The following DCDC1 variants were observed in gnomAD, a reference collection of about 807,000 sequenced individuals.
DCDC1 encodes doublecortin domain containing 1.
Under a neutral mutation model 178.3 loss-of-function variants are expected in DCDC1, and 200 were observed. That is an observed-to-expected ratio of 1.12 (90% CI 1.00 to 1.26). The LOEUF is 1.26. DCDC1 is among the 50% of genes most tolerant of loss of function. DCDC1 has a pLI of 0.00. For synonymous variants in DCDC1, 690 were observed against 604.8 expected, an observed-to-expected ratio of 1.14 and a Z score of -2.07; for missense variants, 1,983 against 1,749.2, an observed-to-expected ratio of 1.13 and a Z score of -2.38.
At chr11:30,888,110 G>GAA (rs775681874) in intron 36 of DCDC1, among the ~76,000 whole-genome samples, 3 of 105,862 alleles carry the variant, frequency 2.8e-5, no homozygotes, top group Admixed American at 1.0e-4. Flanking sequence ...AAGAAAGAAA[G>GAA]AAAGAAAGAA....
chr11:30,970,842 T>C (rs1464307506), intron 20 of DCDC1, among the ~76,000 whole-genome samples: 3 of 152,158 alleles, frequency 2.0e-5, no homozygotes, highest in Admixed American at 1.3e-4. Context: ...GCATGCACCA[T>C]AGGGGACCTG....
intron 7 of DCDC1, among the ~76,000 whole-genome samples, chr11:31,285,281 T>G (rs1185208305): frequency 6.6e-6 from 1 of 152,124 alleles, no homozygotes; most frequent in Non-Finnish European, 1.5e-5. Flanking sequence ...ATCTCTGATT[T>G]AAAAAACTAG....
intron 6 of DCDC1, among the ~76,000 whole-genome samples, chr11:31,294,951 G>A (rs1947584363): frequency 6.6e-6 from 1 of 152,088 alleles, no homozygotes; most frequent in African/African-American, 2.4e-5. Flanking sequence ...TAAAGGATTT[G>A]GATTTTATTC....
chr11:31,119,550 A>G (rs1960490629), intron 11 of DCDC1, among the ~76,000 whole-genome samples: 1 of 152,200 alleles, frequency 6.6e-6, no homozygotes, highest in South Asian at 2.1e-4. Context: ...CAGTGAAAAC[A>G]CCAACCAAAA....
At chr11:30,970,598 G>A (rs1949721369) in intron 20 of DCDC1, among the ~76,000 whole-genome samples, 2 of 152,260 alleles carry the variant, frequency 1.3e-5, no homozygotes, top group South Asian at 4.2e-4. Context: ...ACCCCCAACA[G>A]AGGAACTGTC....
At chr11:31,157,275 TA>T (rs1484287028) in intron 9 of DCDC1, among the ~76,000 whole-genome samples, 1 of 148,606 alleles carries the variant, frequency 6.7e-6, no homozygotes, top group Non-Finnish European at 1.5e-5. Flanking sequence ...CCTGTAGTCC[TA>T]GCTACTCTCA....
At chr11:31,028,548 A>G (rs1172018662) in intron 20 of DCDC1, among the ~76,000 whole-genome samples, 2 of 151,982 alleles carry the variant, frequency 1.3e-5, no homozygotes, top group Non-Finnish European at 2.9e-5. Flanking sequence ...ATTTACTCAC[A>G]GCATGATAAA....
chr11:30,953,437 G>A (rs1321749766), intron 20 of DCDC1, among the ~76,000 whole-genome samples: 1 of 151,484 alleles, frequency 6.6e-6, no homozygotes, highest in Non-Finnish European at 1.5e-5. Flanking sequence ...AACCTTACAG[G>A]ATACATGTAG....
chr11:31,069,193 TAA>T (rs1956420596), intron 18 of DCDC1, among the ~76,000 whole-genome samples: 1 of 152,130 alleles, frequency 6.6e-6, no homozygotes, highest in South Asian at 2.1e-4. Context: ...TCGCATATTA[TAA>T]AAATTAATAC....
rs781623852 is a variant in DCDC1, at chr11:31,106,809, C to T, written c.1739G>A (p.Gly580Asp). ...KNEQKIWVSY[G>D]RAYRSPLNLA... is the part of the protein sequence containing the mutation. ...CCCTTGCTCCTACCTGTATGCTCTA[C>T]CATAAGAGACCCAAATTTTTTGCTC... Residue 580 changes from glycine (G) to aspartate (D), a missense_variant, in exon 13 of 39, where the codon GGT becomes GAT. Transcript: ENST00000684477. The T allele has an allele frequency of 2.6e-6, 2 of 766,218 alleles. No homozygotes were observed. The highest frequency in any genetic ancestry group is 4.8e-6 in the Non-Finnish European group (2 of 417,788). 47.5% of individuals were successfully genotyped at this position (766,218 alleles called of 1,614,324 possible). A position where few individuals can be genotyped will look rare whatever the true frequency, so the allele number is the denominator to read the frequency against.
intron 17 of DCDC1, among the ~76,000 whole-genome samples, chr11:31,085,591 TG>T (rs1309226824): frequency 6.6e-6 from 1 of 152,210 alleles, no homozygotes; most frequent in Non-Finnish European, 1.5e-5. Context: ...TTTTTATTGC[TG>T]GGTATTCTAT....
chr11:31,302,345 T>C (rs537385894), intron 6 of DCDC1, among the ~76,000 whole-genome samples: 1 of 152,222 alleles, frequency 6.6e-6, no homozygotes, highest in South Asian at 2.1e-4. Flanking sequence ...AAGCAGAAGA[T>C]TTAGGAAACT....
intron 15 of DCDC1, among the ~76,000 whole-genome samples, chr11:31,100,624 C>T (rs929433196): frequency 2.0e-5 from 3 of 152,014 alleles, no homozygotes; most frequent in African/African-American, 4.8e-5. Context: ...CACAAGTATA[C>T]GAAAGTGGAA....
chr11:30,963,518 G>C (rs1949242220), intron 20 of DCDC1, among the ~76,000 whole-genome samples: 1 of 152,064 alleles, frequency 6.6e-6, no homozygotes. Flanking sequence ...CAGATAGGTT[G>C]TGAGTGGATA....
At chr11:31,271,588 C>T (rs1232980695) in intron 7 of DCDC1, among the ~76,000 whole-genome samples, 6 of 152,158 alleles carry the variant, frequency 3.9e-5, no homozygotes, top group Admixed American at 3.3e-4. Flanking sequence ...TGAAATAATT[C>T]TCACAATGAT....
intron 20 of DCDC1, among the ~76,000 whole-genome samples, chr11:31,051,133 A>C (rs1362018851): frequency 6.6e-6 from 1 of 152,208 alleles, no homozygotes; most frequent in African/African-American, 2.4e-5. Context: ...AGCTTAAAAA[A>C]AATCAAATTC....
At chr11:31,212,740 A>G (rs1371691909) in intron 9 of DCDC1, among the ~76,000 whole-genome samples, 1 of 152,186 alleles carries the variant, frequency 6.6e-6, no homozygotes, top group African/African-American at 2.4e-5. Flanking sequence ...ATTAGGAAAT[A>G]TCTGGGGAAA....
chr11:31,149,271 G>C (rs1200868071), intron 9 of DCDC1, among the ~76,000 whole-genome samples: 2 of 152,144 alleles, frequency 1.3e-5, no homozygotes, highest in East Asian at 1.9e-4. Flanking sequence ...TGGACTTCCT[G>C]GGTCAAGAGG....
At chr11:31,196,125 T>G (rs11031308) in intron 9 of DCDC1, among the ~76,000 whole-genome samples, 75 of 152,140 alleles carry the variant, frequency 4.9e-4, no homozygotes, top group African/African-American at 1.8e-3. Flanking sequence ...AAAACTTCCC[T>G]AAATCACACA....
Sources: allele counts gnomAD v4.1 joint callset (sites outside exome capture counted in the v4.1 genomes callset), GRCh38; gene constraint gnomAD v4.1.1; transcripts MANE v1.5; gene names NCBI Gene and HGNC (gene_info 2026-07-23, HGNC 2026-07-21).